The following PCDH9 variants were observed in gnomAD, a reference collection of about 807,000 sequenced individuals.
PCDH9 encodes protocadherin 9.
Under a neutral mutation model 70.6 loss-of-function variants are expected in PCDH9, and 24 were observed. The observed-to-expected ratio is 0.34, with a 90% confidence interval of 0.25 to 0.48. The LOEUF is 0.48. PCDH9 is among the 20% of genes least tolerant of loss of function. The pLI is 0.99. For synonymous variants in PCDH9, 562 were observed against 558.5 expected (o/e 1.01, Z -0.09); for missense variants, 1,281 against 1,503.6 (o/e 0.85, Z 2.45).
In PCDH9 at chr13:66,656,165, G is replaced by A. The variant is rs906317029; in HGVS notation, c.3139-24754C>T. Among the ~76,000 whole-genome samples the A allele has an allele frequency of 4.6e-5, 7 of 150,796 alleles. No homozygotes were observed. In the South Asian group the frequency reaches 8.4e-4, roughly 18 times the overall value. On this transcript the variant is annotated intron_variant, in intron 3 of 4. Transcript: ENST00000377865. ...AAAGCAAAATCAAAGCAAACTTCTT[G>A]TCAGCAGGCCATTTTCTTGGCTGAG...
intron 3 of PCDH9, among the ~76,000 whole-genome samples, chr13:66,688,050 T>C (rs1319287992): frequency 6.6e-6 from 1 of 152,158 alleles, no homozygotes; most frequent in Non-Finnish European, 1.5e-5. Context: ...ATCGCAAGCC[T>C]CTTCCAAAGC....
rs530764123 is a variant in PCDH9, at chr13:67,037,814, T to C, written c.3037-134209A>G. ...GTTCCATTTCATAAATGAAAATATATGACTGCCATACTTCAGTATCTCAGC... is the reference window on the plus strand; with the variant it reads ...GTTCCATTTCATAAATGAAAATATACGACTGCCATACTTCAGTATCTCAGC... On this transcript the variant is annotated intron_variant, in intron 2 of 4. Transcript: ENST00000377865. Among the ~76,000 whole-genome samples the C allele has an allele frequency of 3.7e-3, 557 of 152,284 alleles. 2 individuals are homozygous for C. The highest frequency in any genetic ancestry group is 0.013 in the African/African-American group (544 of 41,572).
intron 2 of PCDH9, chr13:67,210,480 A>G (rs2089446338): frequency 1.3e-5 from 2 of 152,038 alleles, no homozygotes; most frequent in Admixed American, 1.3e-4. Context: ...CAATGTTAAC[A>G]CTGATGTGCA....
chr13:66,625,016 A>T (rs2077480019), intron 4 of PCDH9, among the ~76,000 whole-genome samples: 1 of 152,156 alleles, frequency 6.6e-6, no homozygotes, highest in Non-Finnish European at 1.5e-5. Context: ...AACAGCTACT[A>T]ATATTTTATT....
intron 4 of PCDH9, among the ~76,000 whole-genome samples, chr13:66,490,964 T>C (rs531161643): frequency 1.4e-4 from 21 of 152,346 alleles, no homozygotes; most frequent in African/African-American, 4.6e-4. Flanking sequence ...TAAGTTAGTC[T>C]ACCAATTCTT....
chr13:66,890,628 A>G (rs550553921), intron 3 of PCDH9, among the ~76,000 whole-genome samples: 7 of 151,996 alleles, frequency 4.6e-5, no homozygotes, highest in Non-Finnish European at 1.0e-4. Flanking sequence ...TAGCACCCCT[A>G]TCTCCTAGTC....
intron 2 of PCDH9, among the ~76,000 whole-genome samples, chr13:67,007,193 G>A (rs981850723): frequency 3.3e-5 from 5 of 151,850 alleles, no homozygotes; most frequent in African/African-American, 9.7e-5. Context: ...GTGTTTAAGG[G>A]TTGAAATAGC....
chr13:67,085,337 T>C (rs1211328273), intron 2 of PCDH9, among the ~76,000 whole-genome samples: 1 of 149,070 alleles, frequency 6.7e-6, no homozygotes, highest in African/African-American at 2.5e-5. Flanking sequence ...TATCAAAACA[T>C]AACAAAAAAA....
chr13:66,531,953 C>T (rs1195024279), intron 4 of PCDH9, among the ~76,000 whole-genome samples: 6 of 151,954 alleles, frequency 3.9e-5, no homozygotes, highest in Admixed American at 3.9e-4. Context: ...CTAATTGCTG[C>T]TTGCATTCTA....
intron 2 of PCDH9, among the ~76,000 whole-genome samples, chr13:67,012,560 G>A (rs1227544982): frequency 6.6e-6 from 1 of 151,892 alleles, no homozygotes; most frequent in Admixed American, 6.6e-5. Flanking sequence ...CTGAATCATT[G>A]TTCCACCCAG....
intron 4 of PCDH9, among the ~76,000 whole-genome samples, chr13:66,610,638 G>A (rs1232837721): frequency 2.0e-5 from 3 of 152,056 alleles, no homozygotes; most frequent in East Asian, 1.9e-4. Context: ...CTACACAATC[G>A]TTATGACTTA....
intron 4 of PCDH9, among the ~76,000 whole-genome samples, chr13:66,547,879 T>C (rs1462020990): frequency 7.0e-6 from 1 of 143,680 alleles, no homozygotes; most frequent in Non-Finnish European, 1.5e-5. Context: ...TATATAATAA[T>C]ATGATATTTA....
At chr13:66,391,908 T>A (rs1468422380) in intron 4 of PCDH9, among the ~76,000 whole-genome samples, 2 of 114,438 alleles carry the variant, frequency 1.7e-5, no homozygotes, top group Non-Finnish European at 3.8e-5. Context: ...ATATATATGT[T>A]TGTGCATACA....
At position 66,308,897 on chromosome 13, in the gene PCDH9, T is replaced by C. The variant is rs113650441; in HGVS notation, c.3341-3869A>G. 9.5e-3 allele frequency among the ~76,000 whole-genome samples: 1,444 copies of C among 151,900 alleles called. 25 individuals carry two copies. Among genetic ancestry groups the C allele is most frequent in the African/African-American group, 0.032 (1,341 of 41,450 alleles). On this transcript the variant is annotated intron_variant, in intron 4 of 4. Transcript: ENST00000377865. ...AAAACTGAGCCAAGACAGCAAAAAATAAAAACAAAAACAAAAACAAAACCT... is the reference window on the plus strand; with the variant it reads ...AAAACTGAGCCAAGACAGCAAAAAACAAAAACAAAAACAAAAACAAAACCT...
chr13:66,608,516 T>C (rs1016490976), intron 4 of PCDH9, among the ~76,000 whole-genome samples: 2 of 152,146 alleles, frequency 1.3e-5, no homozygotes, highest in Admixed American at 1.3e-4. Context: ...TAACATTTTG[T>C]TCCAGATGCT....
intron 2 of PCDH9, among the ~76,000 whole-genome samples, chr13:67,194,991 G>C (rs1172302384): frequency 6.6e-6 from 1 of 152,256 alleles, no homozygotes; most frequent in Admixed American, 6.5e-5. Flanking sequence ...TTACCGGCTT[G>C]ATTGAAAATA....
At chr13:66,745,948 C>T (rs1010032334) in intron 3 of PCDH9, among the ~76,000 whole-genome samples, 65 of 152,128 alleles carry the variant, frequency 4.3e-4, no homozygotes, top group African/African-American at 1.4e-3. Context: ...GGCTCCCTAT[C>T]GCCACCTGTT....
chr13:67,228,601 A>G, intron 1 of PCDH9, 26 bp from the exon 2 acceptor site: 2 of 487,852 alleles, frequency 4.1e-6, no homozygotes, highest in East Asian at 3.3e-5. Flanking sequence ...TATAGACAAT[A>G]TTATTCTTCA....
chr13:67,077,423 T>TA (rs911217149), intron 2 of PCDH9, among the ~76,000 whole-genome samples: 3 of 152,022 alleles, frequency 2.0e-5, no homozygotes, highest in South Asian at 2.1e-4. Flanking sequence ...TCACCCTATT[T>TA]AAAAAAACAA....
Sources: gnomAD v4.1 joint callset for allele counts (sites outside exome capture counted in the v4.1 genomes callset) on GRCh38, gnomAD v4.1.1 for gene constraint, MANE v1.5 for transcripts, NCBI Gene and HGNC (gene_info 2026-07-23, HGNC 2026-07-21) for gene names.